Variants in IGF2BP2 observed in about 807,000 individuals in gnomAD.
IGF2BP2 encodes insulin-like growth factor 2 mRNA-binding protein 2.
A neutral mutation model predicts 75.8 loss-of-function variants in IGF2BP2; 17 were observed. That is an observed-to-expected ratio of 0.22 (90% CI 0.15 to 0.34). IGF2BP2 has a LOEUF of 0.34. IGF2BP2 is among the 10% of genes least tolerant of loss of function. The pLI, the probability that IGF2BP2 is intolerant of heterozygous loss-of-function variation, is 1.00. For synonymous variants in IGF2BP2, 288 were observed against 295.6 expected, an observed-to-expected ratio of 0.97 and a Z score of 0.26; for missense variants, 516 against 772.4, an observed-to-expected ratio of 0.67 and a Z score of 3.93.
intron 2 of IGF2BP2, among the ~76,000 whole-genome samples, chr3:185,726,024 A>C (rs1360301230): frequency 2.0e-5 from 3 of 152,214 alleles, no homozygotes; most frequent in Non-Finnish European, 4.4e-5. Context: ...GTGTTGGTTA[A>C]AACCTTGAAA....
intron 2 of IGF2BP2, among the ~76,000 whole-genome samples, chr3:185,711,135 T>TTA (rs1724736629): frequency 6.6e-6 from 1 of 152,232 alleles, no homozygotes; most frequent in Non-Finnish European, 1.5e-5. Context: ...TGAGGATCCC[T>TTA]TTGAATCAGT....
chr3:185,795,182 C>A (rs1378723638), intron 2 of IGF2BP2, among the ~76,000 whole-genome samples: 1 of 152,184 alleles, frequency 6.6e-6, no homozygotes, highest in Non-Finnish European at 1.5e-5. Context: ...CAGGCATGAG[C>A]CACCACGCCC....
chr3:185,667,527 G>C (rs1717833516), intron 10 of IGF2BP2, among the ~76,000 whole-genome samples: 1 of 152,102 alleles, frequency 6.6e-6, no homozygotes, highest in East Asian at 1.9e-4. Flanking sequence ...TTACAGTCTT[G>C]GATGGAAGAA....
intron 2 of IGF2BP2, among the ~76,000 whole-genome samples, chr3:185,734,130 T>C (rs1728548726): frequency 6.6e-6 from 1 of 152,216 alleles, no homozygotes; most frequent in South Asian, 2.1e-4. Flanking sequence ...CCTGCTCAAG[T>C]TCCTCTAGGC....
intron 2 of IGF2BP2, among the ~76,000 whole-genome samples, chr3:185,820,358 C>T (rs779119075): frequency 2.6e-5 from 4 of 151,580 alleles, no homozygotes; most frequent in Admixed American, 1.3e-4. Context: ...CATTTTAAAG[C>T]TTACCAGTTT....
At chr3:185,742,772 T>G (rs545119546) in intron 2 of IGF2BP2, among the ~76,000 whole-genome samples, 2 of 152,202 alleles carry the variant, frequency 1.3e-5, no homozygotes, top group South Asian at 4.1e-4. Context: ...ATGATTTCAG[T>G]GATAACAAGC....
intron 4 of IGF2BP2, 39 bp downstream of exon 4, chr3:185,696,573 A>C (rs772359628): frequency 1.0e-5 from 16 of 1,550,916 alleles, no homozygotes; most frequent in East Asian, 6.7e-5. Context: ...AACAGATAAT[A>C]TCTCTCTCCA....
chr3:185,797,031 C>T (rs566104283), intron 2 of IGF2BP2, among the ~76,000 whole-genome samples: 7 of 152,260 alleles, frequency 4.6e-5, no homozygotes, highest in South Asian at 4.1e-4. Context: ...AAGTGAGAAA[C>T]GCACTGCCCC....
At chr3:185,822,404 A>C (rs1741479883) in intron 2 of IGF2BP2, among the ~76,000 whole-genome samples, 1 of 152,248 alleles carries the variant, frequency 6.6e-6, no homozygotes, top group African/African-American at 2.4e-5. Context: ...ATAAACTTTA[A>C]ACAAAGATGT....
intron 11 of IGF2BP2, 112 bp downstream of exon 11, chr3:185,658,229 C>G: frequency 9.3e-7 from 1 of 1,076,046 alleles, no homozygotes; most frequent in Non-Finnish European, 1.4e-6. Context: ...CAGGACAAAC[C>G]AGAACCACAG....
chr3:185,782,265 C>T (rs556288786), intron 2 of IGF2BP2, among the ~76,000 whole-genome samples: 1 of 152,234 alleles, frequency 6.6e-6, no homozygotes, highest in South Asian at 2.1e-4. Context: ...CCCCAACTCC[C>T]TTTTCTTAGA....
chr3:185,794,656 TAA>T (rs78028373), intron 2 of IGF2BP2, among the ~76,000 whole-genome samples: 12 of 147,454 alleles, frequency 8.1e-5, no homozygotes, highest in African/African-American at 2.2e-4. Context: ...TTCATTGTGA[TAA>T]AAAAAAAACC....
chr3:185,731,862 G>C (rs1264369855), intron 2 of IGF2BP2, among the ~76,000 whole-genome samples: 2 of 151,970 alleles, frequency 1.3e-5, no homozygotes, highest in Non-Finnish European at 2.9e-5. Flanking sequence ...GGTGCCTGTA[G>C]TCCCAGCTAC....
chr3:185,809,056 C>T (rs1739440305), intron 2 of IGF2BP2, among the ~76,000 whole-genome samples: 1 of 151,868 alleles, frequency 6.6e-6, no homozygotes, highest in Non-Finnish European at 1.5e-5. Context: ...TTCTTGTATC[C>T]ACCTATTATA....
At chr3:185,714,072 C>T (rs983311971) in intron 2 of IGF2BP2, among the ~76,000 whole-genome samples, 5 of 152,180 alleles carry the variant, frequency 3.3e-5, no homozygotes, top group Non-Finnish European at 7.3e-5. Flanking sequence ...CTCTCTTCTA[C>T]ATCTATACTT....
At chr3:185,673,175 C>T (rs1718789282) in intron 9 of IGF2BP2, among the ~76,000 whole-genome samples, 2 of 152,230 alleles carry the variant, frequency 1.3e-5, no homozygotes, top group African/African-American at 4.8e-5. Context: ...ATTCCTGTTT[C>T]CCTAAGACAG....
chr3:185,729,132 C>G (rs1308776885), intron 2 of IGF2BP2, among the ~76,000 whole-genome samples: 3 of 151,884 alleles, frequency 2.0e-5, no homozygotes, highest in Non-Finnish European at 4.4e-5. Flanking sequence ...AAATTTTGAC[C>G]CTGGAATGCA....
At chr3:185,728,070 C>T (rs556480240) in intron 2 of IGF2BP2, among the ~76,000 whole-genome samples, 186 of 152,326 alleles carry the variant, frequency 1.2e-3, no homozygotes, top group African/African-American at 4.2e-3. Context: ...GGGAGGGGCA[C>T]TTCCGTTACG....
chr3:185,669,920 C>T (rs2081987144), intron 10 of IGF2BP2, among the ~76,000 whole-genome samples: 1 of 152,214 alleles, frequency 6.6e-6, no homozygotes, highest in African/African-American at 2.4e-5. Context: ...GTGGACTCTC[C>T]AGGTATCACT....
Sources: gnomAD v4.1 joint callset for allele counts (sites outside exome capture counted in the v4.1 genomes callset) on GRCh38, gnomAD v4.1.1 for gene constraint, MANE v1.5 for transcripts, NCBI Gene and HGNC (gene_info 2026-07-23, HGNC 2026-07-21) for gene names.